ANKS6: variants seen among roughly 807,000 people sequenced by gnomAD.
ANKS6 encodes ankyrin repeat and SAM domain-containing protein 6.
Under a neutral mutation model 77.9 loss-of-function variants are expected in ANKS6, and 47 were observed. The observed-to-expected ratio is 0.60, with a 90% CI of 0.48 to 0.77. The LOEUF is 0.77. Among genes scored for constraint, ANKS6 ranks in the 30% least tolerant of loss-of-function variants. The pLI, the probability that ANKS6 is intolerant of heterozygous loss-of-function variation, is 0.00. For synonymous variants in ANKS6, 488 were observed against 501.7 expected, an observed-to-expected ratio of 0.97 and a Z score of 0.37; for missense variants, 1,150 against 1,159.1, an observed-to-expected ratio of 0.99 and a Z score of 0.11.
At chr9:98,776,480 A>G (rs1176507372) in intron 8 of ANKS6, among the ~76,000 whole-genome samples, 2 of 151,400 alleles carry the variant, frequency 1.3e-5, no homozygotes, top group Non-Finnish European at 2.9e-5. Flanking sequence ...GGTTCACTGC[A>G]ACCTCCACCT....
intron 14 of ANKS6, among the ~76,000 whole-genome samples, chr9:98,740,127 A>G (rs1052240581): frequency 1.3e-5 from 2 of 152,148 alleles, no homozygotes; most frequent in Non-Finnish European, 2.9e-5. Flanking sequence ...AAAAGGGGGA[A>G]AAATCCACTG....
At chr9:98,778,107 C>A in intron 7 of ANKS6, 119 bp downstream of exon 7, 1 of 1,180,492 alleles carries the variant, frequency 8.5e-7, no homozygotes, top group Non-Finnish European at 1.2e-6. Context: ...CTCTATGCTC[C>A]AGTGTCCCAT....
intron 12 of ANKS6, among the ~76,000 whole-genome samples, chr9:98,753,801 C>T (rs1208158525): frequency 1.3e-5 from 2 of 152,056 alleles, no homozygotes; most frequent in Admixed American, 6.5e-5. Flanking sequence ...ATATACACAA[C>T]CTCAAGAGCA....
intron 12 of ANKS6, among the ~76,000 whole-genome samples, chr9:98,753,299 CAT>C (rs1446181190): frequency 1.3e-5 from 2 of 152,010 alleles, no homozygotes; most frequent in African/African-American, 4.8e-5. Flanking sequence ...GAACAAGAAA[CAT>C]AAAAAAGAAA....
rs543921108 is a variant in ANKS6 at position 98,773,526 on chromosome 9, TCA to T, written c.1821+349_1821+350del. 3.1e-3 allele frequency among the ~76,000 whole-genome samples: 470 copies of T among 152,332 alleles called. 2 individuals carry two copies. Among genetic ancestry groups the T allele is most frequent in the Non-Finnish European group, 4.8e-3 (326 of 68,034 alleles). ...GTGTTTGCTCTTGATTATGGTTCAC[TCA>T]CACTTGGCTGGTGATCTTCAGCTAT... On this transcript the variant is annotated intron_variant, in intron 9 of 14. Transcript: ENST00000353234.
Position 98,733,276 on chromosome 9 carries a change from G to C in ANKS6, c.*3243C>G, listed in dbSNP as rs1384817334. The C allele has an allele frequency of 2.0e-6, 2 of 985,416 alleles. No homozygotes were observed. The highest frequency in any genetic ancestry group is 1.7e-5 in the African/African-American group (1 of 57,252). 61.0% of individuals were successfully genotyped at this position (985,416 alleles called of 1,614,324 possible). A position where few individuals can be genotyped will look rare whatever the true frequency, so the allele number is the denominator to read the frequency against. On this transcript the variant is annotated 3_prime_UTR_variant, in exon 15 of 15. Transcript: ENST00000353234. ...TGTAATTTTGTGGCGCTGAAGAAGA[G>C]AGGCAGGAGCCCTCCGTGGCCAGCA...
At chr9:98,737,604 A>G (rs1316882677) in intron 14 of ANKS6, among the ~76,000 whole-genome samples, 1 of 152,244 alleles carries the variant, frequency 6.6e-6, no homozygotes, top group Non-Finnish European at 1.5e-5. Context: ...AAGTGGAAAC[A>G]CATCCCATGC....
chr9:98,795,841 T>A (rs1213086989), intron 1 of ANKS6: 1 of 253,584 alleles, frequency 3.9e-6, no homozygotes, highest in Non-Finnish European at 7.4e-6. Context: ...AAACTCTTAC[T>A]GCAATAAGAA....
chr9:98,744,014 C>T (rs762357070), intron 14 of ANKS6, among the ~76,000 whole-genome samples: 60 of 152,278 alleles, frequency 3.9e-4, no homozygotes, highest in African/African-American at 1.3e-3. Context: ...TCCCCCTTGA[C>T]ATCTAACAGC....
chr9:98,779,717 G>A (rs1439837197), intron 6 of ANKS6, among the ~76,000 whole-genome samples: 2 of 151,922 alleles, frequency 1.3e-5, no homozygotes, highest in Non-Finnish European at 2.9e-5. Flanking sequence ...AGGCTGGAGT[G>A]CAGTGGCGCG....
intron 2 of ANKS6, among the ~76,000 whole-genome samples, chr9:98,787,839 T>A (rs1446476701): frequency 6.6e-6 from 1 of 152,214 alleles, no homozygotes; most frequent in Non-Finnish European, 1.5e-5. Context: ...AATGGGAACA[T>A]GACCAGATCC....
At chr9:98,743,388 T>C (rs1449322738) in intron 14 of ANKS6, among the ~76,000 whole-genome samples, 1 of 151,490 alleles carries the variant, frequency 6.6e-6, no homozygotes, top group African/African-American at 2.4e-5. Context: ...CCACATGTCA[T>C]GTCTCTTGCT....
In ANKS6 at chr9:98,735,545, TC is replaced by T; in HGVS notation, c.*973del. Reference sequence around the variant, plus strand: ...GTAGACAAAATTCCAAATTTTCACTTCTTTGCCTAGAAACTTTGAGCACCAG... The same window carrying T: ...GTAGACAAAATTCCAAATTTTCACTTTTTGCCTAGAAACTTTGAGCACCAG... On this transcript the variant is annotated 3_prime_UTR_variant, in exon 15 of 15. Coordinates refer to ENST00000353234, the MANE Select transcript of ANKS6 (RefSeq NM_173551.5). 2 of 1,230,458 alleles carry T rather than the reference TC, an allele frequency of 1.6e-6. No individual in the cohort carries two copies. Among genetic ancestry groups the T allele is most frequent in the Non-Finnish European group, 2.0e-6 (2 of 987,712 alleles). 76.2% of individuals were successfully genotyped at this position (1,230,458 alleles called of 1,614,324 possible).
intron 14 of ANKS6, among the ~76,000 whole-genome samples, chr9:98,736,929 C>T (rs1831534028): frequency 6.6e-6 from 1 of 152,142 alleles, no homozygotes; most frequent in Non-Finnish European, 1.5e-5. Flanking sequence ...TCGCACGGCC[C>T]GGATTCGAGG....
In ANKS6 at chr9:98,736,679, A is replaced by T. The variant is rs984568730; in HGVS notation, c.2512-56T>A. 4 of 1,532,622 alleles carry T rather than the reference A, an allele frequency of 2.6e-6. No individual in the cohort carries two copies. The African/African-American group carries it at 4.1e-5, about 16-fold the overall frequency. The allele number at this position is 1,532,622 out of a possible 1,614,324, so 94.9% of individuals were successfully genotyped here. A position where few individuals can be genotyped will look rare whatever the true frequency, so the allele number is the denominator to read the frequency against. ...AGTCTTATTAAACCTTTTAACCATT[A>T]ATTCAATTGACACAGTGTTGTTAAT... On this transcript the variant is annotated intron_variant, in intron 14 of 14. Transcript: ENST00000353234.
chr9:98,783,833 C>T lies in ANKS6; in HGVS notation c.1112+120G>A, dbSNP rs573567864. The T allele has an allele frequency of 4.5e-3, 3,495 of 769,996 alleles. 17 individuals are homozygous for T. Among genetic ancestry groups the T allele is most frequent in the Non-Finnish European group, 5.4e-3 (3,046 of 565,322 alleles). The allele number at this position is 769,996 out of a possible 1,614,324, so 47.7% of individuals were successfully genotyped here. A position where few individuals can be genotyped will look rare whatever the true frequency, so the allele number is the denominator to read the frequency against. ...TTTTTTTTTTTCCATGCCTCAATGT[C>T]GTCATAGTCCTGGGGTTTGTATGCA... On this transcript the variant is annotated intron_variant, in intron 4 of 14. Transcript: ENST00000353234.
At chr9:98,761,445 A>C (rs1028699361) in intron 11 of ANKS6, among the ~76,000 whole-genome samples, 4 of 152,162 alleles carry the variant, frequency 2.6e-5, no homozygotes, top group African/African-American at 9.7e-5. Context: ...CCTGGATAAA[A>C]AACTTTTTCC....
chr9:98,789,394 C>T (rs1775314733), intron 2 of ANKS6, among the ~76,000 whole-genome samples: 3 of 124,268 alleles, frequency 2.4e-5, no homozygotes, highest in South Asian at 2.6e-4. Context: ...ATTGTTTAGA[C>T]AACTCTTTAC....
At chr9:98,776,402 T>C (rs1000540444) in intron 8 of ANKS6, among the ~76,000 whole-genome samples, 13 of 2,108 alleles carry the variant, frequency 6.2e-3, no homozygotes, top group African/African-American at 0.027. Flanking sequence ...CAAAAACCCT[T>C]TTTTTTTTTT....
Sources: gnomAD v4.1 joint callset for allele counts (sites outside exome capture counted in the v4.1 genomes callset) on GRCh38, gnomAD v4.1.1 for gene constraint, MANE v1.5 for transcripts, NCBI Gene and HGNC (gene_info 2026-07-23, HGNC 2026-07-21) for gene names.